RFTN1: variants seen among roughly 807,000 people sequenced by gnomAD.
The protein encoded by RFTN1 is raftlin.
Under a neutral mutation model 46.5 loss-of-function variants are expected in RFTN1, and 26 were observed. The observed-to-expected ratio is 0.56, with a 90% CI of 0.41 to 0.78. The LOEUF (loss-of-function observed/expected upper bound fraction) is 0.78, where lower values mean the gene tolerates loss of function less well. Ranked by LOEUF, RFTN1 falls within the 30% of genes least tolerant of loss-of-function variation. The probability of loss-of-function intolerance (pLI) is 0.00; values close to 1 mark genes in which losing one functional copy is unlikely to be tolerated. For missense variants in RFTN1, 693 were observed against 718.7 expected (o/e 0.96, Z 0.41); for synonymous variants, 261 against 284.2 (o/e 0.92, Z 0.82).
chr3:16,453,093 G>T (rs1177342089), intron 2 of RFTN1, among the ~76,000 whole-genome samples: 1 of 152,094 alleles, frequency 6.6e-6, no homozygotes, highest in Non-Finnish European at 1.5e-5. Flanking sequence ...CAATCTCTCA[G>T]CTATGTACTA....
rs949166471 is a variant in RFTN1 at position 16,381,688 on chromosome 3, G to T, written c.442-3586C>A. On this transcript the variant is annotated intron_variant, in intron 4 of 9. Coordinates refer to ENST00000334133, the MANE Select transcript of RFTN1 (RefSeq NM_015150.2). This position sits in a 1 kb window ranked among gnomAD's most constrained non-coding sequence, Gnocchi z 4.2. ...GGCAATCCATGTAAAGGCAAGGAAG[G>T]ATCATGATGGGCAAAAGCGTGACAG... 1.3e-5 allele frequency among the ~76,000 whole-genome samples: 2 copies of T among 152,154 alleles called. No homozygotes were observed. Among genetic ancestry groups the T allele is most frequent in the African/African-American group, 2.4e-5 (1 of 41,422 alleles).
Position 16,321,387 on chromosome 3 carries a change from A to G in RFTN1, c.1332+1989T>C, listed in dbSNP as rs369882442. Among the ~76,000 whole-genome samples, 6 of 152,272 alleles carry G rather than the reference A, an allele frequency of 3.9e-5. No homozygotes were observed. The South Asian group carries it at 8.3e-4, about 21-fold the overall frequency. On this transcript the variant is annotated intron_variant, in intron 9 of 9. Coordinates refer to ENST00000334133, the MANE Select transcript of RFTN1 (RefSeq NM_015150.2). The surrounding 1 kb of genome is among the most constrained non-coding windows in gnomAD (Gnocchi z 4.8). The stretch of plus-strand genomic sequence containing the variant: ...CAGGAGAATGAGGTGGGAAAGAACC[A>G]AGAGAAAAGCTGCTTCAGGGAGTGG...
At chr3:16,396,441 T>A (rs1271368816) in intron 4 of RFTN1, among the ~76,000 whole-genome samples, 4 of 152,172 alleles carry the variant, frequency 2.6e-5, no homozygotes, top group Admixed American at 1.3e-4. Flanking sequence ...TATCTACAAT[T>A]CCACACTGTC....
At chr3:16,373,068 G>A (rs964672438) in intron 5 of RFTN1, among the ~76,000 whole-genome samples, 6 of 152,244 alleles carry the variant, frequency 3.9e-5, no homozygotes, top group African/African-American at 7.2e-5. Flanking sequence ...ACATCCTCAC[G>A]TGAGCAAGCA....
In RFTN1 at chr3:16,337,843, C is replaced by T. The variant is rs539112697; in HGVS notation, c.1147-10967G>A. On this transcript the variant is annotated intron_variant, in intron 7 of 9. Transcript: ENST00000334133. The surrounding 1 kb of genome is among the most constrained non-coding windows in gnomAD (Gnocchi z 5.0). Reference sequence around the variant, plus strand: ...GGAGTGTTCCTAATTTGTCACCACACTCAAGGCTGGCACACCTAGCCCTTA... The same window carrying T: ...GGAGTGTTCCTAATTTGTCACCACATTCAAGGCTGGCACACCTAGCCCTTA... Among the ~76,000 whole-genome samples, 7 of 152,236 alleles carry T rather than the reference C, an allele frequency of 4.6e-5. No homozygotes were observed. The highest frequency in any genetic ancestry group is 1.7e-4 in the African/African-American group (7 of 41,526).
intron 2 of RFTN1, among the ~76,000 whole-genome samples, chr3:16,463,963 G>C (rs1231228839): frequency 6.6e-6 from 1 of 152,100 alleles, no homozygotes. Context: ...CTGAGAGCCT[G>C]GTGTGTTCAC....
In RFTN1 at chr3:16,357,979, T is replaced by C. The variant is rs2072558890; in HGVS notation, c.1099A>G (p.Ile367Val). The C allele has an allele frequency of 1.2e-6, 2 of 1,612,722 alleles. No individual in the cohort carries two copies. The highest frequency in any genetic ancestry group is 1.1e-5 in the South Asian group (1 of 91,038). Reference sequence around the variant, plus strand: ...ACCACAATAGCATCATAGCCCTGTATGGTTTTGCTATCTTCTGTGGAAACA... The same window carrying C: ...ACCACAATAGCATCATAGCCCTGTACGGTTTTGCTATCTTCTGTGGAAACA... ...EAVSTEDSKT[I>V]QGYDAIVVEQ... The change falls in exon 7 of 10, where the codon ATA (isoleucine) becomes GTA (valine). Residue 367 changes from isoleucine to valine, a missense_variant. Coordinates refer to ENST00000334133, the MANE Select transcript of RFTN1 (RefSeq NM_015150.2).
rs2076917994 is a variant in RFTN1, at chr3:16,512,429, A to T, written c.-9+1013T>A. On this transcript the variant is annotated intron_variant, in intron 1 of 9. Transcript: ENST00000334133. The surrounding 1 kb of genome is among the most constrained non-coding windows in gnomAD (Gnocchi z 4.3). The stretch of plus-strand genomic sequence containing the variant: ...GATTGAGCCAGACTTTTTTTTTAAA[A>T]AAGTACTTCTTGTTTGTTTGTTTTA... Among the ~76,000 whole-genome samples, 1 of 53,584 alleles carries T rather than the reference A, an allele frequency of 1.9e-5. No individual in the cohort carries two copies. The highest frequency in any genetic ancestry group is 1.9e-4 in the Admixed American group (1 of 5,160). The allele number at this position is 53,584 out of a possible 152,430, so 35.2% of individuals were successfully genotyped here. A position where few individuals can be genotyped will look rare whatever the true frequency, so the allele number is the denominator to read the frequency against.
chr3:16,411,456 C>T (rs2074978846), intron 3 of RFTN1, among the ~76,000 whole-genome samples: 1 of 152,148 alleles, frequency 6.6e-6, no homozygotes, highest in South Asian at 2.1e-4. Flanking sequence ...TTCCAACATA[C>T]CCTTCCAAGG....
chr3:16,491,921 C>T (rs1310893555), intron 2 of RFTN1, among the ~76,000 whole-genome samples: 1 of 152,144 alleles, frequency 6.6e-6, no homozygotes, highest in African/African-American at 2.4e-5. Context: ...CCGCAATGCC[C>T]AGCACATTGT....
chr3:16,496,244 C>T (rs915479390), intron 1 of RFTN1, among the ~76,000 whole-genome samples: 41 of 152,254 alleles, frequency 2.7e-4, no homozygotes, highest in African/African-American at 9.9e-4. Context: ...AGCTGCCAAA[C>T]ATGATGCCAC....
At chr3:16,505,063 C>T (rs2115580) in intron 1 of RFTN1, among the ~76,000 whole-genome samples, 62,214 of 151,988 alleles carry the variant, frequency 0.41, 12,978 homozygotes, top group South Asian at 0.52. Flanking sequence ...AATCTGCCAT[C>T]GCAACAGCTA....
intron 6 of RFTN1, 118 bp from the exon 7 acceptor site, chr3:16,358,165 T>G (rs1464137060): frequency 1.5e-6 from 1 of 649,838 alleles, no homozygotes; most frequent in East Asian, 2.7e-5. Flanking sequence ...GAACATCTTT[T>G]CAGCATGTTA....
At chr3:16,349,146 C>CT (rs1198504096) in intron 7 of RFTN1, 1 of 152,210 alleles carries the variant, frequency 6.6e-6, no homozygotes, top group Non-Finnish European at 1.5e-5. Context: ...ACTGTATAAA[C>CT]TAAGCTTTTC....
chr3:16,406,809 TC>T, intron 4 of RFTN1, among the ~76,000 whole-genome samples: 1 of 152,294 alleles, frequency 6.6e-6, no homozygotes, highest in South Asian at 2.1e-4. Flanking sequence ...AAAGTCAGTT[TC>T]TAAGAACCTA....
intron 2 of RFTN1, among the ~76,000 whole-genome samples, chr3:16,436,180 T>A (rs1239004242): frequency 6.6e-6 from 1 of 151,998 alleles, no homozygotes; most frequent in African/African-American, 2.4e-5. Flanking sequence ...TGTCTCCTTG[T>A]CTGTGAACTG....
rs1216269212 is a variant in RFTN1, at chr3:16,351,845, T to C, written c.1146+6087A>G. Among the ~76,000 whole-genome samples the C allele has an allele frequency of 1.3e-5, 2 of 152,046 alleles. No homozygotes were observed. Among genetic ancestry groups the C allele is most frequent in the Non-Finnish European group, 2.9e-5 (2 of 68,012 alleles). ...CACTAAAAAGTAACAACTGGCTGAATTAGGGGTGTGTTGGGTGAGGGGACT... is the reference window on the plus strand; with the variant it reads ...CACTAAAAAGTAACAACTGGCTGAACTAGGGGTGTGTTGGGTGAGGGGACT... On this transcript the variant is annotated intron_variant, in intron 7 of 9. Transcript: ENST00000334133. The surrounding 1 kb of genome is among the most constrained non-coding windows in gnomAD (Gnocchi z 5.4).
chr3:16,321,666 TAC>T lies in RFTN1; in HGVS notation c.1332+1708_1332+1709del, dbSNP rs2069074637. Among the ~76,000 whole-genome samples the T allele has an allele frequency of 6.6e-6, 1 of 152,084 alleles. No individual in the cohort carries two copies. The highest frequency in any genetic ancestry group is 2.4e-5 in the African/African-American group (1 of 41,378). On this transcript the variant is annotated intron_variant, in intron 9 of 9. Coordinates refer to ENST00000334133, the MANE Select transcript of RFTN1 (RefSeq NM_015150.2). The surrounding 1 kb of genome is among the most constrained non-coding windows in gnomAD (Gnocchi z 4.8). ...GAACAAGTGCTCCACACCAGTCACC[TAC>T]AGTCTTGGAATGAGGCAGGAAATAA...
intron 6 of RFTN1, among the ~76,000 whole-genome samples, chr3:16,363,224 TCTC>T (rs369759003): frequency 1.1e-3 from 171 of 152,304 alleles, no homozygotes; most frequent in African/African-American, 3.8e-3. Flanking sequence ...CCACTCCTTG[TCTC>T]CTCATTACCT....
Sources: gnomAD v4.1 joint callset for allele counts (sites outside exome capture counted in the v4.1 genomes callset) on GRCh38, gnomAD v4.1.1 for gene constraint, Gnocchi (gnomAD v3.1) non-coding constraint, MANE v1.5 for transcripts, NCBI Gene and HGNC (gene_info 2026-07-23, HGNC 2026-07-21) for gene names.